The following ZBTB20 variants were observed in gnomAD, a reference collection of about 807,000 sequenced individuals.
ZBTB20 encodes zinc finger and BTB domain-containing protein 20.
In ZBTB20, 9 loss-of-function variants were observed where a neutral mutation model predicts 56.9. The observed-to-expected ratio is 0.16, with a 90% CI of 0.10 to 0.28. The LOEUF (loss-of-function observed/expected upper bound fraction) is 0.28. ZBTB20 is among the 10% of genes least tolerant of loss of function. The pLI, the probability that ZBTB20 is intolerant of heterozygous loss-of-function variation, is 1.00. For missense variants in ZBTB20, 655 were observed against 1,003.0 expected (o/e 0.65, Z 4.69); for synonymous variants, 417 against 420.7 (o/e 0.99, Z 0.11).
intron 2 of ZBTB20, among the ~76,000 whole-genome samples, chr3:115,061,474 A>C (rs2082009625): frequency 6.6e-6 from 1 of 152,180 alleles, no homozygotes; most frequent in South Asian, 2.1e-4. Context: ...AAATTTGCCA[A>C]AATAGTCTCC....
At chr3:114,423,587 A>G (rs2089380139) in intron 7 of ZBTB20, among the ~76,000 whole-genome samples, 1 of 152,186 alleles carries the variant, frequency 6.6e-6, no homozygotes, top group Admixed American at 6.5e-5. Context: ...GTGTTAATAG[A>G]TGTTCCTTAC....
At chr3:114,462,393 T>C (rs1348541023) in intron 7 of ZBTB20, among the ~76,000 whole-genome samples, 1 of 152,234 alleles carries the variant, frequency 6.6e-6, no homozygotes, top group East Asian at 1.9e-4. Flanking sequence ...AGTCTACCTT[T>C]CTATTTATCA....
chr3:115,134,728 G>C (rs1236799886), intron 1 of ZBTB20, among the ~76,000 whole-genome samples: 1 of 152,066 alleles, frequency 6.6e-6, no homozygotes, highest in Non-Finnish European at 1.5e-5. Flanking sequence ...TAGTTACCTG[G>C]AGTGTGTACT....
intron 11 of ZBTB20, 25 bp downstream of exon 11, chr3:114,350,249 G>T (rs1188980024): frequency 1.3e-6 from 2 of 1,570,220 alleles, no homozygotes; most frequent in Admixed American, 3.5e-5. Context: ...CCTGCTGCCA[G>T]GCCTCCAGGT....
Position 114,316,758 on chromosome 3 carries a change from C to A in ZBTB20, c.*22247G>T, listed in dbSNP as rs908927972. The A allele has an allele frequency of 3.3e-5, 11 of 337,154 alleles. No individual in the cohort carries two copies. The highest frequency in any genetic ancestry group is 1.6e-4 in the Admixed American group (4 of 25,274). The allele number at this position is 337,154 out of a possible 1,614,324, so 20.9% of individuals were successfully genotyped here. On this transcript the variant is annotated 3_prime_UTR_variant, in exon 12 of 12. Transcript: ENST00000675478. ...TTGATGAGAAAAATCTGACAGTTCT[C>A]AGCCCCAAGCAAGAGAAACCTGGGT...
chr3:114,404,963 A>G (rs2087167790), intron 7 of ZBTB20, among the ~76,000 whole-genome samples: 1 of 152,058 alleles, frequency 6.6e-6, no homozygotes, highest in African/African-American at 2.4e-5. Context: ...CCCAGCGAAA[A>G]TTTTCATGGA....
intron 3 of ZBTB20, among the ~76,000 whole-genome samples, chr3:114,973,267 C>T (rs1001552192): frequency 5.9e-5 from 9 of 152,048 alleles, no homozygotes; most frequent in African/African-American, 2.2e-4. Flanking sequence ...TTAATCAAGG[C>T]ATTTATCATT....
intron 1 of ZBTB20, among the ~76,000 whole-genome samples, chr3:115,115,599 G>C (rs77249931): frequency 0.015 from 2,326 of 152,130 alleles, 34 homozygotes; most frequent in South Asian, 0.05. Flanking sequence ...AGCAGTATTT[G>C]CTGACAAATG....
At chr3:114,754,685 C>A (rs148633861) in intron 5 of ZBTB20, among the ~76,000 whole-genome samples, 229 of 152,118 alleles carry the variant, frequency 1.5e-3, no homozygotes, top group African/African-American at 5.2e-3. Flanking sequence ...AGTGCCCAGA[C>A]TCAACATATG....
intron 11 of ZBTB20, among the ~76,000 whole-genome samples, chr3:114,343,985 G>A (rs2079992481): frequency 6.6e-6 from 1 of 152,090 alleles, no homozygotes; most frequent in Non-Finnish European, 1.5e-5. Flanking sequence ...GGAGGTGGAG[G>A]TTGAAGTGAG....
chr3:114,391,317 T>C (rs1010204463), intron 7 of ZBTB20, among the ~76,000 whole-genome samples: 1 of 152,200 alleles, frequency 6.6e-6, no homozygotes, highest in Non-Finnish European at 1.5e-5. Flanking sequence ...TGTAGCCCAA[T>C]CTAGTTTCTC....
At chr3:115,097,580 C>A (rs2083427067) in intron 1 of ZBTB20, among the ~76,000 whole-genome samples, 1 of 152,142 alleles carries the variant, frequency 6.6e-6, no homozygotes, top group African/African-American at 2.4e-5. Context: ...CAGGGCATGG[C>A]AAAGCATGAA....
At chr3:114,846,259 GAGCTTTCCTCCTCAGAGAGCTTGC>G (rs2074699983) in intron 4 of ZBTB20, among the ~76,000 whole-genome samples, 1 of 152,206 alleles carries the variant, frequency 6.6e-6, no homozygotes, top group Non-Finnish European at 1.5e-5. Flanking sequence ...CCATACTGAT[GAGCTTTCCTCCTCAGAGAGCTTGC>G]TCCTCAGGCC....
At chr3:114,464,448 A>G (rs1461737701) in intron 7 of ZBTB20, among the ~76,000 whole-genome samples, 2 of 152,200 alleles carry the variant, frequency 1.3e-5, no homozygotes, top group Admixed American at 1.3e-4. Context: ...GGGAGGCTCT[A>G]TGTACTATGG....
chr3:115,020,717 T>A (rs1012996246), intron 2 of ZBTB20, among the ~76,000 whole-genome samples: 1 of 151,002 alleles, frequency 6.6e-6, no homozygotes, highest in Non-Finnish European at 1.5e-5. Context: ...CATCTCTACT[T>A]TAAATAAACA....
chr3:114,349,278 G>C lies in ZBTB20; in HGVS notation c.1804+996C>G, dbSNP rs182512972. Among the ~76,000 whole-genome samples, 4 of 152,050 alleles carry C rather than the reference G, an allele frequency of 2.6e-5. No homozygotes were observed. In the East Asian group the frequency reaches 5.8e-4, roughly 22 times the overall value. On this transcript the variant is annotated intron_variant, in intron 11 of 11. Coordinates refer to ENST00000675478, the MANE Select transcript of ZBTB20 (RefSeq NM_001348800.3). ...GTATTCTTAGGTCCAAGAGAATCTA[G>C]GTGACATCACAATCGCTTATGTGCT... is the stretch of plus-strand genomic sequence containing the variant.
intron 6 of ZBTB20, among the ~76,000 whole-genome samples, chr3:114,561,603 G>C (rs183729470): frequency 5.9e-4 from 90 of 152,170 alleles, no homozygotes; most frequent in Admixed American, 3.1e-3. Flanking sequence ...TGAGTGGTAG[G>C]TCTCAAGAGT....
chr3:115,104,971 G>A (rs2083680842), intron 1 of ZBTB20, among the ~76,000 whole-genome samples: 1 of 152,088 alleles, frequency 6.6e-6, no homozygotes, highest in Non-Finnish European at 1.5e-5. Flanking sequence ...GGGGGTATAT[G>A]AGAAATCTCT....
At chr3:115,075,971 C>A (rs1006248141) in intron 1 of ZBTB20, among the ~76,000 whole-genome samples, 2 of 151,886 alleles carry the variant, frequency 1.3e-5, no homozygotes, top group Admixed American at 1.3e-4. Flanking sequence ...AGCTGCATTT[C>A]TATATATTAA....
Sources: gnomAD v4.1 joint callset for allele counts (sites outside exome capture counted in the v4.1 genomes callset) on GRCh38, gnomAD v4.1.1 for gene constraint, MANE v1.5 for transcripts, NCBI Gene and HGNC (gene_info 2026-07-23, HGNC 2026-07-21) for gene names.